Variants in XRCC6 observed in about 807,000 individuals in gnomAD.
The protein encoded by XRCC6 is DNA repair protein Ku70.
In XRCC6, 5 loss-of-function variants were observed where a neutral mutation model predicts 65.7. The observed-to-expected ratio is 0.08, with a 90% CI of 0.04 to 0.16. The LOEUF (loss-of-function observed/expected upper bound fraction) is 0.16, where lower values mean the gene tolerates loss of function less well. Ranked by LOEUF, XRCC6 falls within the 10% of genes least tolerant of loss-of-function variation. The pLI, the probability that XRCC6 is intolerant of heterozygous loss-of-function variation, is 1.00. For missense variants in XRCC6, 447 were observed against 738.1 expected, an observed-to-expected ratio of 0.61 and a Z score of 4.57; for synonymous variants, 270 against 270.6, an observed-to-expected ratio of 1.00 and a Z score of 0.02.
At chr22:41,648,071 T>C (rs1601547812) in intron 7 of XRCC6, 1 of 106,546 alleles carries the variant, frequency 9.4e-6, no homozygotes. Flanking sequence ...TCTCCCCTCC[T>C]CTCTTCTGTT....
At chr22:41,649,139 A>AAAAAAAATATATATAT in intron 7 of XRCC6, among the ~76,000 whole-genome samples, 3 of 88,734 alleles carry the variant, frequency 3.4e-5, no homozygotes, top group Non-Finnish European at 6.2e-5. Flanking sequence ...AAAAAAAAAA[A>AAAAAAAATATATATAT]ATATATATAT....
chr22:41,626,426 C>T (rs761777159), intron 2 of XRCC6, among the ~76,000 whole-genome samples: 4 of 152,100 alleles, frequency 2.6e-5, no homozygotes, highest in Non-Finnish European at 5.9e-5. Flanking sequence ...CAGGCGTGAG[C>T]CACTGTGCCC....
intron 3 of XRCC6, among the ~76,000 whole-genome samples, chr22:41,628,513 C>T (rs1488786895): frequency 2.0e-5 from 3 of 152,056 alleles, no homozygotes; most frequent in Non-Finnish European, 4.4e-5. Context: ...GAAGTAGGCT[C>T]CTCCTCTTGC....
At chr22:41,626,532 G>C (rs112022854) in intron 2 of XRCC6, among the ~76,000 whole-genome samples, 14 of 152,104 alleles carry the variant, frequency 9.2e-5, no homozygotes, top group African/African-American at 3.4e-4. Flanking sequence ...TCTGCTCCCT[G>C]CAACCTCTGC....
At chr22:41,662,303 G>T (rs1292509419) in intron 12 of XRCC6, among the ~76,000 whole-genome samples, 1 of 152,090 alleles carries the variant, frequency 6.6e-6, no homozygotes. Context: ...TTGCATGCCT[G>T]TATCAAAATA....
At chr22:41,622,144 T>A in intron 2 of XRCC6, 58 bp downstream of exon 2, 1 of 1,564,610 alleles carries the variant, frequency 6.4e-7, no homozygotes, top group Non-Finnish European at 8.8e-7. Flanking sequence ...CTTCCCTGCC[T>A]ATCTCTGCTG....
At chr22:41,653,911 A>C (rs1202117186) in intron 9 of XRCC6, among the ~76,000 whole-genome samples, 1 of 152,206 alleles carries the variant, frequency 6.6e-6, no homozygotes, top group Admixed American at 6.6e-5. Context: ...GCTGATCTGC[A>C]GCTAGGATAG....
At chr22:41,648,540 A>G (rs1427567094) in intron 7 of XRCC6, among the ~76,000 whole-genome samples, 1 of 152,100 alleles carries the variant, frequency 6.6e-6, no homozygotes, top group Admixed American at 6.6e-5. Context: ...CTGCATCTGA[A>G]AGACAGATGC....
In XRCC6 at chr22:41,647,162, G is replaced by A. The variant is rs529050337; in HGVS notation, c.960+80G>A. The A allele has an allele frequency of 1.5e-5, 22 of 1,474,370 alleles. No individual in the cohort carries two copies. In the East Asian group the frequency reaches 2.0e-4, roughly 14 times the overall value. 91.3% of individuals were successfully genotyped at this position (1,474,370 alleles called of 1,614,324 possible). ...CGCCCAGGCTGGAGTGCAGTGGGGC[G>A]AACATGACTCGCTACAGCCTTGACC... On this transcript the variant is annotated intron_variant, in intron 7 of 12. Coordinates refer to ENST00000360079, the MANE Select transcript of XRCC6 (RefSeq NM_001469.5).
intron 3 of XRCC6, among the ~76,000 whole-genome samples, chr22:41,631,672 C>T (rs1329255052): frequency 6.8e-6 from 1 of 147,406 alleles, no homozygotes; most frequent in Non-Finnish European, 1.5e-5. Context: ...GGGCTCCTCA[C>T]ATCCCAGACG....
At chr22:41,658,464 T>C in intron 11 of XRCC6, 112 bp downstream of exon 11, 1 of 951,404 alleles carries the variant, frequency 1.1e-6, no homozygotes, top group South Asian at 1.5e-5. Context: ...TTAACCTCAT[T>C]CCCCAGACCC....
intron 6 of XRCC6, among the ~76,000 whole-genome samples, chr22:41,638,397 A>G (rs752536631): frequency 6.6e-6 from 1 of 152,186 alleles, no homozygotes; most frequent in Non-Finnish European, 1.5e-5. Flanking sequence ...TTAGGCTACA[A>G]ACCTGTATAG....
rs768186462 is a variant in XRCC6 at position 41,621,981 on chromosome 22, T to G, written c.-15-9T>G. Reference sequence around the variant, plus strand: ...TTGCCTGTTACTGACGTTAACGTCTTTCGCCTAGTGAGCAGTAGCCAACAT... The same window carrying G: ...TTGCCTGTTACTGACGTTAACGTCTGTCGCCTAGTGAGCAGTAGCCAACAT... On this transcript the variant is annotated splice_polypyrimidine_tract_variant and intron_variant, in intron 1 of 12. Coordinates refer to ENST00000360079, the MANE Select transcript of XRCC6 (RefSeq NM_001469.5). The G allele has an allele frequency of 1.2e-6, 2 of 1,613,856 alleles. No homozygotes were observed. The highest frequency in any genetic ancestry group is 1.7e-6 in the Non-Finnish European group (2 of 1,179,818).
At chr22:41,633,975 T>G (rs2067783884) in intron 3 of XRCC6, among the ~76,000 whole-genome samples, 1 of 152,236 alleles carries the variant, frequency 6.6e-6, no homozygotes, top group South Asian at 2.1e-4. Context: ...TACCAGATTC[T>G]TTTAAAAGTT....
chr22:41,649,139 A>AAAAAAAAATATAT, intron 7 of XRCC6, among the ~76,000 whole-genome samples: 3 of 88,736 alleles, frequency 3.4e-5, no homozygotes, highest in Non-Finnish European at 2.1e-5. Context: ...AAAAAAAAAA[A>AAAAAAAAATATAT]ATATATATAT....
At chr22:41,653,806 G>C in intron 9 of XRCC6, 116 bp downstream of exon 9, 1 of 1,310,766 alleles carries the variant, frequency 7.6e-7, no homozygotes, top group South Asian at 1.5e-5. Context: ...GCTTAAAAAT[G>C]TCTATTTTTA....
chr22:41,663,190 A>G (rs1342100765), intron 12 of XRCC6, among the ~76,000 whole-genome samples: 1 of 152,190 alleles, frequency 6.6e-6, no homozygotes, highest in East Asian at 1.9e-4. Flanking sequence ...CTGTAGCCTC[A>G]ACCTCCTGGG....
At chr22:41,630,262 G>A (rs545552215) in intron 3 of XRCC6, among the ~76,000 whole-genome samples, 87 of 151,824 alleles carry the variant, frequency 5.7e-4, no homozygotes, top group South Asian at 3.3e-3. Context: ...GATTGCAGGC[G>A]TGAGCCATGG....
At chr22:41,657,998 AT>A (rs2068061265) in intron 10 of XRCC6, among the ~76,000 whole-genome samples, 1 of 151,760 alleles carries the variant, frequency 6.6e-6, no homozygotes, top group Admixed American at 6.6e-5. Flanking sequence ...TGATTTTTAA[AT>A]TTTTTGTAGA....
Sources: gnomAD v4.1 joint callset for allele counts (sites outside exome capture counted in the v4.1 genomes callset) on GRCh38, gnomAD v4.1.1 for gene constraint, MANE v1.5 for transcripts, NCBI Gene and HGNC (gene_info 2026-07-23, HGNC 2026-07-21) for gene names.